The following SPACA1 variants were observed in gnomAD, a reference collection of about 807,000 sequenced individuals.
SPACA1 encodes the protein sperm acrosome associated 1.
Under a neutral mutation model 32.6 loss-of-function variants are expected in SPACA1, and 17 were observed. The observed-to-expected ratio is 0.52, with a 90% CI of 0.36 to 0.78. SPACA1 has a LOEUF of 0.78. SPACA1 is among the 30% of genes least tolerant of loss of function. The pLI, the probability that SPACA1 is intolerant of heterozygous loss-of-function variation, is 0.01. For synonymous variants in SPACA1, 140 were observed against 138.1 expected (o/e 1.01, Z -0.10); for missense variants, 363 against 373.4 (o/e 0.97, Z 0.23).
intron 3 of SPACA1, 55 bp from the exon 4 acceptor site, chr6:88,058,661 T>G: frequency 7.9e-7 from 1 of 1,260,336 alleles, no homozygotes; most frequent in African/African-American, 1.5e-5. Flanking sequence ...AGTAATTTCG[T>G]GTATAAAGCA....
intron 6 of SPACA1, among the ~76,000 whole-genome samples, chr6:88,065,610 A>G (rs1775971515): frequency 1.3e-5 from 2 of 150,904 alleles, no homozygotes; most frequent in Admixed American, 1.3e-4. Context: ...TTTGTTATGT[A>G]TTGTAGGAAA....
chr6:88,055,994 C>CA (rs1775801524), intron 2 of SPACA1, among the ~76,000 whole-genome samples: 1 of 151,850 alleles, frequency 6.6e-6, no homozygotes, highest in Non-Finnish European at 1.5e-5. Flanking sequence ...CAAACAACAA[C>CA]AAAAAACCTG....
chr6:88,053,922 T>A (rs773214171), intron 1 of SPACA1, 24 bp from the exon 2 acceptor site: 1 of 1,601,934 alleles, frequency 6.2e-7, no homozygotes, highest in Non-Finnish European at 8.5e-7. Flanking sequence ...AATTAAATAA[T>A]GTATCTTTAC....
Position 88,066,023 on chromosome 6 carries a change from A to G in SPACA1, c.732-159A>G, listed in dbSNP as rs752812663. On this transcript the variant is annotated intron_variant, in intron 6 of 6. Transcript: ENST00000237201. ...GTATACAGGTTATATGTATTTGTAT[A>G]TGTACAGGTTATATATATTTGTACC... is the stretch of plus-strand genomic sequence containing the variant. Among the ~76,000 whole-genome samples the G allele has an allele frequency of 4.6e-5, 7 of 152,072 alleles. No homozygotes were observed. The East Asian group carries it at 5.8e-4, about 13-fold the overall frequency.
rs767108789 is a variant in SPACA1, at chr6:88,058,754, T to C, written c.406T>C (p.Leu136=). ...PISESLESVR[L]ACIHTSPLNR... ...TTCAGAAAGTCTTGAAAGTGTTAGA[T>C]TGGCATGTATTCACACATCTCCCTT... The change falls in exon 4 of 7, where the codon TTG becomes CTG. Residue 136 remains leucine, a synonymous_variant. Coordinates refer to ENST00000237201, the MANE Select transcript of SPACA1 (RefSeq NM_030960.3). 4 of 1,613,942 alleles carry C rather than the reference T, an allele frequency of 2.5e-6. No individual in the cohort carries two copies. Among genetic ancestry groups the C allele is most frequent in the Admixed American group, 1.7e-5 (1 of 60,002 alleles).
At chr6:88,056,240 G>A (rs1333278918) in intron 2 of SPACA1, among the ~76,000 whole-genome samples, 1 of 152,074 alleles carries the variant, frequency 6.6e-6, no homozygotes, top group East Asian at 1.9e-4. Context: ...TGTAATCCCA[G>A]CTATTCAGGA....
intron 2 of SPACA1, among the ~76,000 whole-genome samples, chr6:88,054,223 CTA>C (rs1363002996): frequency 2.2e-5 from 2 of 92,188 alleles, no homozygotes; most frequent in Admixed American, 1.4e-4. Context: ...AGCCAGCTCC[CTA>C]TTTTTTTTTT....
chr6:88,065,187 A>G (rs1190283800), intron 6 of SPACA1, among the ~76,000 whole-genome samples: 1 of 148,788 alleles, frequency 6.7e-6, no homozygotes, highest in African/African-American at 2.4e-5. Flanking sequence ...AACGTGTATT[A>G]TGTATATACA....
Position 88,066,220 on chromosome 6 carries a change from C to T in SPACA1, c.770C>T (p.Thr257Ile), listed in dbSNP as rs549256462. 9 of 1,608,758 alleles carry T rather than the reference C, an allele frequency of 5.6e-6. No homozygotes were observed. The African/African-American group carries it at 1.1e-4, about 19-fold the overall frequency. The change falls in exon 7 of 7, where the codon ACA becomes ATA. Residue 257 changes from threonine (T) to isoleucine (I), a missense_variant. Thr to Ile is a moderately conservative substitution (Grantham distance 89, BLOSUM62 -1). Coordinates refer to ENST00000237201, the MANE Select transcript of SPACA1 (RefSeq NM_030960.3). ...GCTTTCTGGGGGGCAAAAGCCTCTA[C>T]ACCTGAGGTACAATCCGAGCAGAGT... ...VKAFWGAKAS[T>I]PEVQSEQSSV...
chr6:88,056,047 A>C (rs1775802279), intron 2 of SPACA1, among the ~76,000 whole-genome samples: 1 of 151,974 alleles, frequency 6.6e-6, no homozygotes, highest in African/African-American at 2.4e-5. Context: ...CTTCGGAATT[A>C]AGGCTGTGCT....
intron 4 of SPACA1, 45 bp downstream of exon 4, chr6:88,058,867 A>C (rs777180150): frequency 1.5e-6 from 2 of 1,361,126 alleles, no homozygotes; most frequent in Non-Finnish European, 2.0e-6. Flanking sequence ...AGTGAGTGAT[A>C]AAATTTGTTT....
chr6:88,051,165 T>A (rs1441560239), intron 1 of SPACA1, among the ~76,000 whole-genome samples: 2 of 151,810 alleles, frequency 1.3e-5, no homozygotes, highest in Non-Finnish European at 2.9e-5. Context: ...AAAAAGATAA[T>A]AGATTTATAT....
intron 1 of SPACA1, 115 bp from the exon 2 acceptor site, chr6:88,053,831 T>TA (rs1775765255): frequency 7.8e-6 from 6 of 770,986 alleles, no homozygotes; most frequent in Non-Finnish European, 1.2e-5. Context: ...ATGGAAAACT[T>TA]AAAAAATGTC....
At chr6:88,063,964 A>T (rs1775936045) in intron 5 of SPACA1, 135 bp from the exon 6 acceptor site, 4 of 958,968 alleles carry the variant, frequency 4.2e-6, no homozygotes, top group Non-Finnish European at 5.8e-6. Context: ...GCAGAGCAAG[A>T]TCATTAATAA....
chr6:88,056,614 A>G (rs1490184927), intron 2 of SPACA1, among the ~76,000 whole-genome samples: 2 of 152,180 alleles, frequency 1.3e-5, no homozygotes, highest in Non-Finnish European at 2.9e-5. Flanking sequence ...ACTTGCATGC[A>G]CTGTCAAGTT....
intron 5 of SPACA1, among the ~76,000 whole-genome samples, chr6:88,061,239 A>G (rs1286605353): frequency 1.3e-5 from 2 of 152,304 alleles, no homozygotes; most frequent in Admixed American, 6.5e-5. Flanking sequence ...TTTCACTCCC[A>G]CAATAGTTGT....
In SPACA1 at chr6:88,058,769, A is replaced by C. The variant is rs757581471; in HGVS notation, c.421A>C (p.Thr141Pro). 6.2e-7 allele frequency: 1 copy of C among 1,613,998 alleles called. No homozygotes were observed. The highest frequency in any genetic ancestry group is 8.5e-7 in the Non-Finnish European group (1 of 1,179,940). Reference protein sequence around the residue: ...LESVRLACIHTSPLNRFKYMW... With the variant: ...LESVRLACIHPSPLNRFKYMW... ...AAGTGTTAGATTGGCATGTATTCAC[A>C]CATCTCCCTTAAATCGTTTCAAATA... Residue 141 changes from threonine to proline, a missense_variant, in exon 4 of 7, where the codon ACA (threonine) becomes CCA (proline). Physicochemically the swap from Thr to Pro is conservative, Grantham distance 38. Transcript: ENST00000237201.
At chr6:88,065,740 G>A (rs1051917036) in intron 6 of SPACA1, among the ~76,000 whole-genome samples, 2 of 146,924 alleles carry the variant, frequency 1.4e-5, no homozygotes, top group South Asian at 2.1e-4. Flanking sequence ...TCAGCCTTCC[G>A]ATTTTTTTTC....
In SPACA1 at chr6:88,066,707, G is replaced by A. The variant is rs974956112; in HGVS notation, c.*372G>A. On this transcript the variant is annotated 3_prime_UTR_variant, in exon 7 of 7. Transcript: ENST00000237201. Reference sequence around the variant, plus strand: ...TTACATATTAGACTTTCTCTCCCCTGGAAGCACTGGGTTGAACTTGCTAAA... The same window carrying A: ...TTACATATTAGACTTTCTCTCCCCTAGAAGCACTGGGTTGAACTTGCTAAA... The A allele has an allele frequency of 6.5e-6, 1 of 153,750 alleles. No individual in the cohort carries two copies. The allele number at this position is 153,750 out of a possible 1,614,324, so 9.5% of individuals were successfully genotyped here. A position where few individuals can be genotyped will look rare whatever the true frequency, so the allele number is the denominator to read the frequency against.
Sources: allele counts gnomAD v4.1 joint callset (sites outside exome capture counted in the v4.1 genomes callset), GRCh38; gene constraint gnomAD v4.1.1; transcripts MANE v1.5; gene names NCBI Gene and HGNC (gene_info 2026-07-23, HGNC 2026-07-21).